Variants in TCERG1L observed in about 807,000 individuals in gnomAD.
TCERG1L encodes transcription elongation regulator 1 like.
A neutral mutation model predicts 56.3 loss-of-function variants in TCERG1L; 37 were observed. The observed-to-expected ratio is 0.66, with a 90% CI of 0.51 to 0.87. The LOEUF (loss-of-function observed/expected upper bound fraction) is 0.87, where lower values mean the gene tolerates loss of function less well. TCERG1L is among the 40% of genes least tolerant of loss of function. The probability of loss-of-function intolerance (pLI) is 0.00; values close to 1 mark genes in which losing one functional copy is unlikely to be tolerated. For missense variants in TCERG1L, 799 were observed against 774.2 expected, an observed-to-expected ratio of 1.03 and a Z score of -0.38; for synonymous variants, 324 against 326.3, an observed-to-expected ratio of 0.99 and a Z score of 0.08.
At chr10:131,207,704 A>C (rs1050885991) in intron 4 of TCERG1L, among the ~76,000 whole-genome samples, 13 of 152,260 alleles carry the variant, frequency 8.5e-5, no homozygotes, top group Middle Eastern at 3.4e-3. Flanking sequence ...CTCTGCAGCA[A>C]GAGGAGGGGT....
chr10:131,281,222 C>T lies in TCERG1L; in HGVS notation c.671-20778G>A, dbSNP rs1322600704. 6.6e-5 allele frequency among the ~76,000 whole-genome samples: 10 copies of T among 152,290 alleles called. 1 individual carries two copies. The South Asian group carries it at 1.0e-3, about 16-fold the overall frequency. The stretch of plus-strand genomic sequence containing the variant: ...CAAATCACATTCAATCTTCCTTTCA[C>T]GAAACCAGCAGACATTGCCTGCATG... On this transcript the variant is annotated intron_variant, in intron 3 of 11. Transcript: ENST00000368642.
At chr10:131,208,623 C>T (rs895734786) in intron 4 of TCERG1L, among the ~76,000 whole-genome samples, 5 of 152,170 alleles carry the variant, frequency 3.3e-5, no homozygotes, top group African/African-American at 1.2e-4. Context: ...AAGCCATTAC[C>T]TTTCTTAGGA....
rs565453811 is a variant in TCERG1L at position 131,092,983 on chromosome 10, A to C, written c.*179T>G. The C allele has an allele frequency of 6.8e-6, 4 of 584,568 alleles. No individual in the cohort carries two copies. The South Asian group carries it at 9.8e-5, about 14-fold the overall frequency. The allele number at this position is 584,568 out of a possible 1,614,324, so 36.2% of individuals were successfully genotyped here. Reference sequence around the variant, plus strand: ...GAAATGCATCAAACTCTGAATGTACAAAAGAGAGAGCTTCAATATGAAACA... The same window carrying C: ...GAAATGCATCAAACTCTGAATGTACCAAAGAGAGAGCTTCAATATGAAACA... On this transcript the variant is annotated 3_prime_UTR_variant, in exon 12 of 12. Coordinates refer to ENST00000368642, the MANE Select transcript of TCERG1L (RefSeq NM_174937.4).
chr10:131,277,353 C>T (rs1589769768), intron 3 of TCERG1L, among the ~76,000 whole-genome samples: 1 of 152,332 alleles, frequency 6.6e-6, no homozygotes, highest in South Asian at 2.1e-4. Context: ...CAGTGCACGC[C>T]CACCCCAAAG....
At chr10:131,208,806 C>T (rs1212800734) in intron 4 of TCERG1L, among the ~76,000 whole-genome samples, 1 of 152,172 alleles carries the variant, frequency 6.6e-6, no homozygotes, top group Non-Finnish European at 1.5e-5. Flanking sequence ...GCCTGTAATC[C>T]CAGCACTTTG....
At chr10:131,198,501 T>C (rs1845391683) in intron 4 of TCERG1L, among the ~76,000 whole-genome samples, 1 of 152,156 alleles carries the variant, frequency 6.6e-6, no homozygotes. Context: ...GCTGAGTAAT[T>C]TATAAAGAGC....
chr10:131,130,253 T>C (rs1271345578), intron 8 of TCERG1L, among the ~76,000 whole-genome samples: 1 of 152,152 alleles, frequency 6.6e-6, no homozygotes, highest in East Asian at 1.9e-4. Context: ...ACTTAGTCAC[T>C]ATCATGAGAA....
chr10:131,215,259 C>T (rs1217902861), intron 4 of TCERG1L, among the ~76,000 whole-genome samples: 1 of 152,290 alleles, frequency 6.6e-6, no homozygotes, highest in African/African-American at 2.4e-5. Flanking sequence ...GAATCCACGT[C>T]GCCCCACAGG....
intron 6 of TCERG1L, chr10:131,161,898 G>A (rs1845981051): frequency 1.3e-5 from 2 of 152,248 alleles, no homozygotes; most frequent in African/African-American, 2.4e-5. Flanking sequence ...ACCTTACCCT[G>A]AGCATTGCTT....
At chr10:131,304,222 C>G (rs957126293) in intron 3 of TCERG1L, among the ~76,000 whole-genome samples, 1 of 152,040 alleles carries the variant, frequency 6.6e-6, no homozygotes, top group Admixed American at 6.5e-5. Flanking sequence ...ATTTCATTTG[C>G]CTTTGCTGGA....
At chr10:131,179,496 T>C (rs1845146435) in intron 4 of TCERG1L, among the ~76,000 whole-genome samples, 1 of 151,650 alleles carries the variant, frequency 6.6e-6, no homozygotes. Flanking sequence ...ATCACCGGAG[T>C]AGCCCTCGGT....
chr10:131,171,076 C>T (rs11595162), intron 4 of TCERG1L, among the ~76,000 whole-genome samples: 27,150 of 151,426 alleles, frequency 0.18, 3,097 homozygotes, highest in Middle Eastern at 0.27. Context: ...ACCTGGGAGG[C>T]GGAGGTTGCA....
At chr10:131,291,705 C>T (rs972482487) in intron 3 of TCERG1L, among the ~76,000 whole-genome samples, 65 of 151,832 alleles carry the variant, frequency 4.3e-4, no homozygotes, top group Admixed American at 7.9e-4. Context: ...GGATTACAGG[C>T]GTGAGCCACC....
chr10:131,249,762 G>C (rs1171032643), intron 4 of TCERG1L, among the ~76,000 whole-genome samples: 2 of 152,272 alleles, frequency 1.3e-5, no homozygotes, highest in East Asian at 3.9e-4. Flanking sequence ...ACACTCGCTG[G>C]CTCACGCATT....
At chr10:131,268,395 G>A (rs536863277) in intron 3 of TCERG1L, among the ~76,000 whole-genome samples, 55 of 152,348 alleles carry the variant, frequency 3.6e-4, no homozygotes, top group African/African-American at 1.3e-3. Context: ...CACAGGCAGA[G>A]TAGATTTAGC....
chr10:131,253,468 C>T (rs1846132698), intron 4 of TCERG1L, among the ~76,000 whole-genome samples: 1 of 152,034 alleles, frequency 6.6e-6, no homozygotes, highest in Non-Finnish European at 1.5e-5. Flanking sequence ...AATTCGAATC[C>T]CCAAAGATTG....
At chr10:131,248,135 CACG>C (rs979498928) in intron 4 of TCERG1L, among the ~76,000 whole-genome samples, 9 of 151,830 alleles carry the variant, frequency 5.9e-5, no homozygotes, top group African/African-American at 1.9e-4. Flanking sequence ...TTCACACACA[CACG>C]ACACACACAT....
intron 4 of TCERG1L, among the ~76,000 whole-genome samples, chr10:131,219,692 G>A (rs1020010135): frequency 2.0e-5 from 3 of 152,174 alleles, no homozygotes; most frequent in Non-Finnish European, 2.9e-5. Flanking sequence ...GCTTCCCCTC[G>A]AAGCTCACCG....
chr10:131,093,136 C>T lies in TCERG1L; in HGVS notation c.*26G>A, dbSNP rs192106681. ...CCCCGGCACGCCCAGGGTCAACCCC[C>T]GGGCTTATTGCATTTTTTCACAAAC... On this transcript the variant is annotated 3_prime_UTR_variant, in exon 12 of 12. Transcript: ENST00000368642. 1.6e-4 allele frequency: 262 copies of T among 1,610,116 alleles called. No homozygotes were observed. The highest frequency in any genetic ancestry group is 1.3e-3 in the Middle Eastern group (8 of 6,006).
Sources: gnomAD v4.1 joint callset for allele counts (sites outside exome capture counted in the v4.1 genomes callset) on GRCh38, gnomAD v4.1.1 for gene constraint, MANE v1.5 for transcripts, NCBI Gene and HGNC (gene_info 2026-07-23, HGNC 2026-07-21) for gene names.